The following PIWIL1 variants were observed in gnomAD, a reference collection of about 807,000 sequenced individuals.
PIWIL1 encodes piwi-like protein 1.
PIWIL1 carries 73 observed loss-of-function variants against 114.4 expected under a neutral mutation model. The observed-to-expected ratio is 0.64, with a 90% CI of 0.53 to 0.78. PIWIL1 has a LOEUF of 0.78. Among genes scored for constraint, PIWIL1 ranks in the 30% least tolerant of loss-of-function variants. The pLI is 0.00. For synonymous variants in PIWIL1, 375 were observed against 369.0 expected (o/e 1.02, Z -0.19); for missense variants, 723 against 1,063.1 (o/e 0.68, Z 4.45).
the PIWIL1 span, chr12:130,422,310 T>C: frequency 1.8e-6 from 1 of 560,448 alleles, no homozygotes; most frequent in Non-Finnish European, 3.3e-6. This position sits in a 1 kb window ranked among gnomAD's most constrained non-coding sequence, Gnocchi z 5.2. Context: ...CTTGTGCTGT[T>C]CCTGCCTTCT....
At chr12:130,423,674 AAATAG>A in the PIWIL1 span, among the ~76,000 whole-genome samples, 1 of 145,638 alleles carries the variant, frequency 6.9e-6, no homozygotes, top group Non-Finnish European at 1.5e-5. Flanking sequence ...AAAAAAAAAA[AAATAG>A]ATTTCTTCAA....
At chr12:130,382,350 G>A in the PIWIL1 span, among the ~76,000 whole-genome samples, 1 of 152,176 alleles carries the variant, frequency 6.6e-6, no homozygotes, top group African/African-American at 2.4e-5. Flanking sequence ...TCCCGGGTCT[G>A]GTAAGCCTGG....
intron 18 of PIWIL1, among the ~76,000 whole-genome samples, chr12:130,365,784 T>C (rs537787085): frequency 6.6e-6 from 1 of 152,234 alleles, no homozygotes; most frequent in African/African-American, 2.4e-5. Flanking sequence ...AAGTCCTAGA[T>C]AGTCATCACT....
chr12:130,340,916 A>C (rs1253600609), intron 1 of PIWIL1, among the ~76,000 whole-genome samples: 1 of 152,160 alleles, frequency 6.6e-6, no homozygotes, highest in African/African-American at 2.4e-5. Context: ...GTCATATTGT[A>C]AGGGGTCTTA....
chr12:130,358,317 C>T (rs2073420642), intron 14 of PIWIL1, among the ~76,000 whole-genome samples: 1 of 152,124 alleles, frequency 6.6e-6, no homozygotes, highest in South Asian at 2.1e-4. Flanking sequence ...TGGGGACATG[C>T]AGCAAGTGTG....
chr12:130,391,050 T>C, the PIWIL1 span, among the ~76,000 whole-genome samples: 5 of 152,198 alleles, frequency 3.3e-5, no homozygotes, highest in Non-Finnish European at 5.9e-5. Flanking sequence ...TCCCCTCTTC[T>C]GTCGTGTGGA....
At chr12:130,345,913 A>T in intron 4 of PIWIL1, 35 bp downstream of exon 4, 1 of 1,610,034 alleles carries the variant, frequency 6.2e-7, no homozygotes, top group East Asian at 2.2e-5. Flanking sequence ...GTGAGATTAC[A>T]TCTCAGGAAC....
At chr12:130,343,592 G>T (rs911464392) in intron 3 of PIWIL1, among the ~76,000 whole-genome samples, 1 of 148,316 alleles carries the variant, frequency 6.7e-6, no homozygotes, top group African/African-American at 2.5e-5. Flanking sequence ...TTTTCATTCT[G>T]TAAAGGGATG....
chr12:130,391,154 A>T, the PIWIL1 span, among the ~76,000 whole-genome samples: 1 of 152,268 alleles, frequency 6.6e-6, no homozygotes, highest in Non-Finnish European at 1.5e-5. Flanking sequence ...GCTGATTTGG[A>T]TGAGGGACAA....
At chr12:130,395,642 A>G in the PIWIL1 span, among the ~76,000 whole-genome samples, 1 of 152,256 alleles carries the variant, frequency 6.6e-6, no homozygotes, top group Non-Finnish European at 1.5e-5. Context: ...ATTATGAGAT[A>G]AATTATAGGT....
In PIWIL1 at chr12:130,342,974, T is replaced by G. The variant is rs1262673072; in HGVS notation, c.79-16T>G. The G allele has an allele frequency of 6.3e-7, 1 of 1,588,708 alleles. No individual in the cohort carries two copies. The highest frequency in any genetic ancestry group is 2.2e-5 in the East Asian group (1 of 44,750). On this transcript the variant is annotated splice_polypyrimidine_tract_variant and intron_variant, in intron 2 of 20. Transcript: ENST00000245255. Reference sequence around the variant, plus strand: ...GCTTGACGAAAAGAATGTTCTTTATTTGCATGTAACTACAGAGTCAGCAAC... The same window carrying G: ...GCTTGACGAAAAGAATGTTCTTTATGTGCATGTAACTACAGAGTCAGCAAC...
the PIWIL1 span, among the ~76,000 whole-genome samples, chr12:130,377,744 G>A: frequency 6.6e-6 from 1 of 152,196 alleles, no homozygotes; most frequent in African/African-American, 2.4e-5. Flanking sequence ...GTGGCCCTGT[G>A]GCCTCAGCTG....
At chr12:130,340,538 T>G (rs1290210878) in intron 1 of PIWIL1, among the ~76,000 whole-genome samples, 1 of 150,900 alleles carries the variant, frequency 6.6e-6, no homozygotes, top group Non-Finnish European at 1.5e-5. Flanking sequence ...GGAGGTGAGC[T>G]CAGGCTGTCC....
the PIWIL1 span, among the ~76,000 whole-genome samples, chr12:130,393,430 C>T: frequency 0.063 from 2,561 of 40,616 alleles, no homozygotes; most frequent in South Asian, 0.13. Flanking sequence ...CTGGTGAATA[C>T]TGAATGTTGT....
chr12:130,358,900 G>A (rs758800237), intron 14 of PIWIL1, among the ~76,000 whole-genome samples: 13 of 152,184 alleles, frequency 8.5e-5, no homozygotes, highest in African/African-American at 1.4e-4. Context: ...ATGGCCTGTC[G>A]TTGTTCACCA....
chr12:130,424,277 G>T, the PIWIL1 span: 1 of 1,231,816 alleles, frequency 8.1e-7, no homozygotes, highest in Non-Finnish European at 1.0e-6. The surrounding 1 kb of genome is among the most constrained non-coding windows in gnomAD (Gnocchi z 9.8). Flanking sequence ...CGTGCTTCCT[G>T]GGGGGCGGCC....
the PIWIL1 span, chr12:130,396,859 A>G: frequency 6.5e-6 from 1 of 152,692 alleles, no homozygotes; most frequent in Non-Finnish European, 1.5e-5. Context: ...TGCACGACAC[A>G]TACAAAGTAT....
At chr12:130,341,193 C>G (rs925357901) in intron 1 of PIWIL1, among the ~76,000 whole-genome samples, 5 of 152,188 alleles carry the variant, frequency 3.3e-5, no homozygotes, top group Admixed American at 2.0e-4. Context: ...GCAGTCTGCT[C>G]CCTGCCCACA....
the PIWIL1 span, chr12:130,384,038 C>A: frequency 6.6e-6 from 1 of 152,204 alleles, no homozygotes; most frequent in South Asian, 2.1e-4. Context: ...TTCCAAACTA[C>A]AAATCTTCCA....
Sources: allele counts gnomAD v4.1 joint callset (sites outside exome capture counted in the v4.1 genomes callset), GRCh38; gene constraint gnomAD v4.1.1; non-coding constraint Gnocchi (gnomAD v3.1); transcripts MANE v1.5; gene names NCBI Gene and HGNC (gene_info 2026-07-23, HGNC 2026-07-21).